The following CAB39L variants were observed in gnomAD, a reference collection of about 807,000 sequenced individuals.
CAB39L encodes calcium binding protein 39 like, also known as calcium-binding protein 39-like.
In CAB39L, 23 loss-of-function variants were observed where a neutral mutation model predicts 39.1. That is an observed-to-expected ratio of 0.59 (90% confidence interval 0.42 to 0.83). CAB39L has a LOEUF of 0.83. CAB39L is among the 40% of genes least tolerant of loss of function. The pLI, the probability that CAB39L is intolerant of heterozygous loss-of-function variation, is 0.00. For missense variants in CAB39L, 366 were observed against 391.9 expected (o/e 0.93, Z 0.56); for synonymous variants, 126 against 137.2 (o/e 0.92, Z 0.57).
intron 10 of CAB39L, among the ~76,000 whole-genome samples, chr13:49,330,394 G>A (rs1477685189): frequency 6.6e-6 from 1 of 152,142 alleles, no homozygotes; most frequent in Non-Finnish European, 1.5e-5. Flanking sequence ...AGAGGCTGAG[G>A]CAGGAAGATC....
chr13:49,338,304 T>C (rs1593938808), intron 9 of CAB39L, among the ~76,000 whole-genome samples: 1 of 151,758 alleles, frequency 6.6e-6, no homozygotes, highest in Non-Finnish European at 1.5e-5. Context: ...ATATACACCA[T>C]GGAATACTAT....
intron 3 of CAB39L, among the ~76,000 whole-genome samples, chr13:49,431,115 T>G (rs574440948): frequency 6.6e-6 from 1 of 152,252 alleles, no homozygotes; most frequent in Non-Finnish European, 1.5e-5. Context: ...CACATCAAGA[T>G]AGTGAACCTC....
chr13:49,337,989 T>C (rs1954894949), intron 9 of CAB39L, among the ~76,000 whole-genome samples: 1 of 152,166 alleles, frequency 6.6e-6, no homozygotes, highest in South Asian at 2.1e-4. Flanking sequence ...TCTTATTACC[T>C]CCCTCACACC....
chr13:49,350,401 ATATGTACC>A (rs1351791180), intron 7 of CAB39L, among the ~76,000 whole-genome samples: 1 of 152,216 alleles, frequency 6.6e-6, no homozygotes, highest in Non-Finnish European at 1.5e-5. Context: ...TATTCAGTGC[ATATGTACC>A]TTAAGTGGAA....
intron 3 of CAB39L, among the ~76,000 whole-genome samples, chr13:49,392,630 A>T (rs949370756): frequency 2.0e-5 from 3 of 152,136 alleles, no homozygotes; most frequent in Non-Finnish European, 4.4e-5. Context: ...CGACAGAGCA[A>T]GACTCTGTCT....
chr13:49,382,407 A>T (rs961125050), intron 4 of CAB39L: 2 of 153,646 alleles, frequency 1.3e-5, no homozygotes, highest in African/African-American at 4.8e-5. Flanking sequence ...AATAACTAGC[A>T]TTCCTATGAG....
At chr13:49,403,904 C>G (rs1956823361) in intron 3 of CAB39L, among the ~76,000 whole-genome samples, 1 of 151,844 alleles carries the variant, frequency 6.6e-6, no homozygotes, top group African/African-American at 2.4e-5. Flanking sequence ...CAAAATAAAG[C>G]ATTGAGAGAA....
At chr13:49,413,545 A>G (rs1235642992) in intron 3 of CAB39L, among the ~76,000 whole-genome samples, 1 of 152,190 alleles carries the variant, frequency 6.6e-6, no homozygotes, top group Non-Finnish European at 1.5e-5. Context: ...AGGTAGGGAA[A>G]TGGGAGAAAA....
rs1010675999 is a variant in CAB39L at position 49,434,501 on chromosome 13, G to A, written c.-245-278C>T. On this transcript the variant is annotated intron_variant, in intron 1 of 10. Transcript: ENST00000409308. The stretch of plus-strand genomic sequence containing the variant: ...TCATTTTCACTTTACTCAGTCAAAC[G>A]AATTTCCAGACTAAATTTTCTTACG... Among the ~76,000 whole-genome samples, 7 of 152,060 alleles carry A rather than the reference G, an allele frequency of 4.6e-5. No individual in the cohort carries two copies. The East Asian group carries it at 7.7e-4, about 17-fold the overall frequency.
At chr13:49,341,674 T>C (rs1955011436) in intron 8 of CAB39L, among the ~76,000 whole-genome samples, 1 of 152,106 alleles carries the variant, frequency 6.6e-6, no homozygotes, top group Non-Finnish European at 1.5e-5. Context: ...AACAGCACAG[T>C]AGGGTGACTA....
chr13:49,377,145 C>A lies in CAB39L; in HGVS notation c.112-14G>T. The A allele has an allele frequency of 6.2e-7, 1 of 1,605,634 alleles. No homozygotes were observed. The highest frequency in any genetic ancestry group is 1.3e-5 in the African/African-American group (1 of 74,300). ...TTCTTCTGAAGCCTAGTGACCAAAA[C>A]GTATGCTAACGGTTAAAAGAATAAA... On this transcript the variant is annotated splice_polypyrimidine_tract_variant and intron_variant, in intron 4 of 10. Transcript: ENST00000409308.
chr13:49,314,093 G>A (rs1351126416), intron 10 of CAB39L, among the ~76,000 whole-genome samples: 1 of 152,116 alleles, frequency 6.6e-6, no homozygotes, highest in East Asian at 1.9e-4. Context: ...TACACGTGGT[G>A]GTAAGAAAAG....
At chr13:49,353,206 T>C (rs543184182) in intron 6 of CAB39L, among the ~76,000 whole-genome samples, 1 of 152,232 alleles carries the variant, frequency 6.6e-6, no homozygotes, top group Non-Finnish European at 1.5e-5. Flanking sequence ...GCAATTTCTC[T>C]TATTAGAAAA....
chr13:49,336,401 C>T (rs1954848632), intron 9 of CAB39L, among the ~76,000 whole-genome samples: 1 of 152,080 alleles, frequency 6.6e-6, no homozygotes, highest in African/African-American at 2.4e-5. Context: ...AATCAGATAT[C>T]CATGAGATGC....
At chr13:49,442,787 CAAAAAAAAAAAAAAAA>C (rs71078844) in intron 1 of CAB39L, among the ~76,000 whole-genome samples, 4 of 103,690 alleles carry the variant, frequency 3.9e-5, no homozygotes, top group Non-Finnish European at 7.1e-5. Flanking sequence ...GACTCCATCT[CAAAAAAAAAAAAAAAA>C]AAAAAAAAAA....
intron 10 of CAB39L, among the ~76,000 whole-genome samples, chr13:49,323,902 G>A (rs1452546292): frequency 6.6e-6 from 1 of 152,128 alleles, no homozygotes; most frequent in Middle Eastern, 3.4e-3. Flanking sequence ...AGTATGTTCC[G>A]TGCAGTGCTA....
chr13:49,340,459 C>T (rs955661049), intron 8 of CAB39L, among the ~76,000 whole-genome samples: 1 of 152,186 alleles, frequency 6.6e-6, no homozygotes, highest in African/African-American at 2.4e-5. Context: ...ACTCCTAGCC[C>T]TCGGAGAGTC....
chr13:49,367,842 TAGA>T (rs1172258281), intron 5 of CAB39L, among the ~76,000 whole-genome samples: 1 of 151,308 alleles, frequency 6.6e-6, no homozygotes, highest in East Asian at 1.9e-4. Flanking sequence ...CACTTGAGCC[TAGA>T]AGGTGTAGGT....
intron 6 of CAB39L, among the ~76,000 whole-genome samples, chr13:49,357,164 C>T (rs1219082479): frequency 3.3e-5 from 5 of 152,048 alleles, no homozygotes; most frequent in African/African-American, 9.7e-5. Context: ...GAACAGTCCT[C>T]GAATCTTCTT....
Sources: gnomAD v4.1 joint callset for allele counts (sites outside exome capture counted in the v4.1 genomes callset) on GRCh38, gnomAD v4.1.1 for gene constraint, MANE v1.5 for transcripts, NCBI Gene and HGNC (gene_info 2026-07-23, HGNC 2026-07-21) for gene names.